The following ZNF367 variants were observed in gnomAD, a reference collection of about 807,000 sequenced individuals.
ZNF367 encodes the protein C2H2 zinc finger protein ZFF29.
A neutral mutation model predicts 31.8 loss-of-function variants in ZNF367; 11 were observed. The observed-to-expected ratio is 0.35, with a 90% CI of 0.22 to 0.57. ZNF367 has a LOEUF of 0.57. ZNF367 is among the 20% of genes least tolerant of loss of function. The pLI is 0.85. For missense variants in ZNF367, 353 were observed against 484.1 expected (o/e 0.73, Z 2.54); for synonymous variants, 199 against 202.4 (o/e 0.98, Z 0.14).
In ZNF367 at chr9:96,417,199, G is replaced by A. The variant is rs1175777637; in HGVS notation, c.420+414C>T. Among the ~76,000 whole-genome samples the A allele has an allele frequency of 1.3e-5, 2 of 152,152 alleles. No individual in the cohort carries two copies. The highest frequency in any genetic ancestry group is 6.5e-5 in the Admixed American group (1 of 15,278). ...TCTGCAGGGCATCTTTTAACAGGGC[G>A]AGGGCGATCTGCAGTAATGGAGCAA... On this transcript the variant is annotated intron_variant, in intron 1 of 4. Transcript: ENST00000375256. The surrounding 1 kb of genome is among the most constrained non-coding windows in gnomAD (Gnocchi z 5.0).
At chr9:96,407,799 G>C in intron 1 of ZNF367, 8 of 1,179,804 alleles carry the variant, frequency 6.8e-6, no homozygotes, top group Non-Finnish European at 9.6e-6. Flanking sequence ...TCAGGCCAAT[G>C]AGACGGGGTT....
At chr9:96,414,854 T>C (rs1831797366) in intron 1 of ZNF367, among the ~76,000 whole-genome samples, 1 of 152,140 alleles carries the variant, frequency 6.6e-6, no homozygotes, top group Admixed American at 6.5e-5. Flanking sequence ...ATAGATTTCA[T>C]CTATATAACA....
chr9:96,388,633 C>T (rs903418494), intron 4 of ZNF367, among the ~76,000 whole-genome samples, 174 bp from the exon 5 acceptor site: 1 of 152,124 alleles, frequency 6.6e-6, no homozygotes, highest in African/African-American at 2.4e-5. Context: ...TGAAGTTCAA[C>T]GAGGTTAAGA....
chr9:96,407,628 G>A (rs1375891723), intron 1 of ZNF367: 35 of 1,441,288 alleles, frequency 2.4e-5, no homozygotes, highest in Non-Finnish European at 3.2e-5. Flanking sequence ...AAGAGAAGGC[G>A]GGAAAATGGG....
chr9:96,402,444 CTTT>C (rs1174997133), intron 1 of ZNF367, among the ~76,000 whole-genome samples: 2,047 of 66,008 alleles, frequency 0.031, 8 homozygotes, highest in Middle Eastern at 0.11. Context: ...TTCTTTCTTT[CTTT>C]TTTTTTTTTT....
chr9:96,395,257 C>A (rs1831517509), intron 2 of ZNF367, among the ~76,000 whole-genome samples: 1 of 152,180 alleles, frequency 6.6e-6, no homozygotes. Flanking sequence ...CTCCTGCCTT[C>A]CCACTCAGCT....
chr9:96,408,575 CA>C (rs1237796497), intron 1 of ZNF367, among the ~76,000 whole-genome samples: 1 of 152,066 alleles, frequency 6.6e-6, no homozygotes, highest in East Asian at 1.9e-4. Flanking sequence ...CTGAGGTCAT[CA>C]AACTCTTAGA....
intron 3 of ZNF367, among the ~76,000 whole-genome samples, chr9:96,392,910 T>C (rs1831489614): frequency 6.6e-6 from 1 of 151,820 alleles, no homozygotes; most frequent in Non-Finnish European, 1.5e-5. Context: ...CACGGCAAAA[T>C]GCCATCTCTA....
intron 1 of ZNF367, among the ~76,000 whole-genome samples, chr9:96,400,432 GAATGACAAGA>G (rs994212143): frequency 7.3e-6 from 1 of 136,616 alleles, no homozygotes; most frequent in Non-Finnish European, 1.6e-5. Context: ...AAAGGAAAAA[GAATGACAAGA>G]AACCAGGAGA....
intron 1 of ZNF367, among the ~76,000 whole-genome samples, chr9:96,411,016 G>C (rs1450793517): frequency 6.6e-6 from 1 of 150,404 alleles, no homozygotes; most frequent in African/African-American, 2.5e-5. Flanking sequence ...GGACAACATA[G>C]TGTGACTCCA....
intron 2 of ZNF367, among the ~76,000 whole-genome samples, chr9:96,397,089 T>C (rs1006911787): frequency 3.9e-5 from 6 of 152,240 alleles, no homozygotes; most frequent in African/African-American, 1.4e-4. Context: ...TGTTTTATAT[T>C]ACTGCCCATC....
intron 1 of ZNF367, among the ~76,000 whole-genome samples, chr9:96,404,429 C>T (rs1445201279): frequency 6.6e-6 from 1 of 152,046 alleles, no homozygotes; most frequent in African/African-American, 2.4e-5. Context: ...CCCGTCTCTA[C>T]TAAAAATAAA....
At chr9:96,411,257 T>C (rs1831745203) in intron 1 of ZNF367, among the ~76,000 whole-genome samples, 1 of 151,848 alleles carries the variant, frequency 6.6e-6, no homozygotes, top group Non-Finnish European at 1.5e-5. Flanking sequence ...TTTTTACATA[T>C]GTAAGAAAGG....
At chr9:96,394,323 G>A (rs1375162053) in intron 3 of ZNF367, among the ~76,000 whole-genome samples, 3 of 152,176 alleles carry the variant, frequency 2.0e-5, no homozygotes, top group African/African-American at 7.2e-5. Context: ...TAGAACAATG[G>A]TGCCCAGAGG....
At chr9:96,394,084 A>T (rs1266623910) in intron 3 of ZNF367, among the ~76,000 whole-genome samples, 3 of 152,248 alleles carry the variant, frequency 2.0e-5, no homozygotes, top group African/African-American at 7.2e-5. Flanking sequence ...TTTAATAATT[A>T]AAAAGTTTAA....
chr9:96,388,412 A>G lies in ZNF367; in HGVS notation c.878T>C (p.Leu293Pro). 2 of 1,614,052 alleles carry G rather than the reference A, an allele frequency of 1.2e-6. No individual in the cohort carries two copies. The highest frequency in any genetic ancestry group is 1.7e-6 in the Non-Finnish European group (2 of 1,180,044). The change falls in exon 5 of 5, where the codon CTG becomes CCG. Residue 293 changes from leucine to proline, a missense_variant. Transcript: ENST00000375256. Reference protein sequence around the residue: ...EQRTPTLKGKLVQKADQEQQD... With the variant: ...EQRTPTLKGKPVQKADQEQQD... ...CTGCTCCTGATCAGCCTTCTGAACC[A>G]GCTTGCCTTTCAAAGTGGGGGTGCG...
chr9:96,409,268 TTC>T (rs1831711358), intron 1 of ZNF367, among the ~76,000 whole-genome samples: 1 of 152,216 alleles, frequency 6.6e-6, no homozygotes, highest in African/African-American at 2.4e-5. Context: ...CCTTCAGGTA[TTC>T]TTTTATAGCA....
In ZNF367 at chr9:96,406,923, A is replaced by T. The variant is rs1161349339; in HGVS notation, c.421-8609T>A. On this transcript the variant is annotated intron_variant, in intron 1 of 4. Coordinates refer to ENST00000375256, the MANE Select transcript of ZNF367 (RefSeq NM_153695.4). ...AGGCTGAGGCAGGAGAATGGCGTGA[A>T]CCCGGGAGGCAGAGCTTGCAGTCAG... is the stretch of plus-strand genomic sequence containing the variant. 2.7e-5 allele frequency among the ~76,000 whole-genome samples: 4 copies of T among 145,758 alleles called. No homozygotes were observed. In the East Asian group the frequency reaches 8.4e-4, roughly 30 times the overall value.
chr9:96,411,141 G>A lies in ZNF367; in HGVS notation c.420+6472C>T, dbSNP rs539294103. Among the ~76,000 whole-genome samples, 6 of 150,678 alleles carry A rather than the reference G, an allele frequency of 4.0e-5. No homozygotes were observed. In the South Asian group the frequency reaches 8.4e-4, roughly 21 times the overall value. Reference sequence around the variant, plus strand: ...CAAGGCGGCAGTGAGCCATGATTGCGCCACTGTACTCCAGCCTGGGCGACA... The same window carrying A: ...CAAGGCGGCAGTGAGCCATGATTGCACCACTGTACTCCAGCCTGGGCGACA... On this transcript the variant is annotated intron_variant, in intron 1 of 4. Transcript: ENST00000375256.
Sources: allele counts gnomAD v4.1 joint callset (sites outside exome capture counted in the v4.1 genomes callset), GRCh38; gene constraint gnomAD v4.1.1; non-coding constraint Gnocchi (gnomAD v3.1); transcripts MANE v1.5; gene names NCBI Gene and HGNC (gene_info 2026-07-23, HGNC 2026-07-21).